The following NKAIN3 variants were observed in gnomAD, a reference collection of about 807,000 sequenced individuals.
The protein encoded by NKAIN3 is sodium/potassium-transporting ATPase subunit beta-1-interacting protein 3.
NKAIN3 carries 25 observed loss-of-function variants against 30.2 expected under a neutral mutation model. The ratio of observed to expected loss-of-function variants is 0.83; its 90% CI spans 0.60 to 1.16. The LOEUF is 1.16. Ranked by LOEUF, NKAIN3 falls within the 50% of genes most tolerant of loss-of-function variation. The pLI, the probability that NKAIN3 is intolerant of heterozygous loss-of-function variation, is 0.00. For missense variants in NKAIN3, 225 were observed against 254.1 expected (o/e 0.89, Z 0.78); for synonymous variants, 91 against 89.6 (o/e 1.02, Z -0.09).
chr8:62,619,922 G>T (rs1391399955), intron 3 of NKAIN3, among the ~76,000 whole-genome samples: 1 of 152,020 alleles, frequency 6.6e-6, no homozygotes, highest in African/African-American at 2.4e-5. Flanking sequence ...ATACTGTAAG[G>T]GAGGAAAAAT....
intron 1 of NKAIN3, among the ~76,000 whole-genome samples, chr8:62,562,554 T>C (rs1809620536): frequency 6.6e-6 from 1 of 152,080 alleles, no homozygotes. Flanking sequence ...TGAACAGAAA[T>C]AGAGTACTCA....
intron 3 of NKAIN3, among the ~76,000 whole-genome samples, chr8:62,647,123 T>G (rs1812483798): frequency 6.6e-6 from 1 of 152,148 alleles, no homozygotes; most frequent in Admixed American, 6.6e-5. Flanking sequence ...CATCTACATA[T>G]GGTAATTTCT....
At chr8:62,699,386 AC>A (rs1814261652) in intron 3 of NKAIN3, among the ~76,000 whole-genome samples, 2 of 152,324 alleles carry the variant, frequency 1.3e-5, no homozygotes. Context: ...CCAATTAAAA[AC>A]GTCTTTAAAT....
At chr8:62,344,388 C>A (rs1815858565) in intron 1 of NKAIN3, among the ~76,000 whole-genome samples, 1 of 151,972 alleles carries the variant, frequency 6.6e-6, no homozygotes, top group African/African-American at 2.4e-5. Context: ...TTATTGTTAT[C>A]ACAACAATAT....
At chr8:62,671,128 A>G (rs964595153) in intron 3 of NKAIN3, among the ~76,000 whole-genome samples, 1 of 152,098 alleles carries the variant, frequency 6.6e-6, no homozygotes, top group African/African-American at 2.4e-5. Flanking sequence ...TCATTCTCAC[A>G]TATTTGAAAC....
intron 3 of NKAIN3, among the ~76,000 whole-genome samples, chr8:62,706,883 G>A (rs1046701664): frequency 2.0e-5 from 3 of 151,898 alleles, no homozygotes; most frequent in African/African-American, 7.3e-5. Flanking sequence ...TCATTCATAT[G>A]CCTTTGCATC....
chr8:62,750,875 G>A (rs939999348), intron 4 of NKAIN3, among the ~76,000 whole-genome samples: 1 of 152,044 alleles, frequency 6.6e-6, no homozygotes, highest in African/African-American at 2.4e-5. Flanking sequence ...TGTGCCCACT[G>A]CCCGTCTCTG....
rs140667181 is a variant in NKAIN3, at chr8:62,631,357, G to A, written c.273+41563G>A. On this transcript the variant is annotated intron_variant, in intron 3 of 6. Coordinates refer to ENST00000623646, the MANE Select transcript of NKAIN3 (RefSeq NM_001304533.3). ...CCCCATCTCTGATATTTCTCACCTT[G>A]GTGAGGGATGCTGTCCTTCACCCAT... is the stretch of plus-strand genomic sequence containing the variant. 2.9e-3 allele frequency among the ~76,000 whole-genome samples: 444 copies of A among 152,056 alleles called. 3 individuals carry two copies. Among genetic ancestry groups the A allele is most frequent in the African/African-American group, 0.01 (430 of 41,470 alleles).
intron 1 of NKAIN3, among the ~76,000 whole-genome samples, chr8:62,288,115 T>C (rs1191790870): frequency 2.0e-5 from 3 of 152,196 alleles, no homozygotes; most frequent in Non-Finnish European, 1.5e-5. Context: ...CTTGTGCTTC[T>C]ACAGTGCCTT....
chr8:62,477,972 G>A (rs1176632947), intron 1 of NKAIN3, among the ~76,000 whole-genome samples: 1 of 152,130 alleles, frequency 6.6e-6, no homozygotes, highest in African/African-American at 2.4e-5. Flanking sequence ...TATGTGAATA[G>A]AGGTATTTAT....
At chr8:62,737,471 C>T (rs1181745656) in intron 3 of NKAIN3, among the ~76,000 whole-genome samples, 1 of 152,186 alleles carries the variant, frequency 6.6e-6, no homozygotes, top group East Asian at 1.9e-4. Context: ...TTACTCTTGA[C>T]TGGTCCACTT....
chr8:62,717,673 A>G (rs1339395246), intron 3 of NKAIN3, among the ~76,000 whole-genome samples: 1 of 152,176 alleles, frequency 6.6e-6, no homozygotes, highest in East Asian at 1.9e-4. Context: ...TTTGTTATGT[A>G]TGTCTGTTTC....
At chr8:62,675,330 T>C (rs1813441302) in intron 3 of NKAIN3, among the ~76,000 whole-genome samples, 1 of 152,232 alleles carries the variant, frequency 6.6e-6, no homozygotes, top group South Asian at 2.1e-4. Context: ...CCCATATTTA[T>C]AAATCACTAT....
chr8:62,472,347 G>A (rs1178962240), intron 1 of NKAIN3, among the ~76,000 whole-genome samples: 1 of 152,144 alleles, frequency 6.6e-6, no homozygotes, highest in Non-Finnish European at 1.5e-5. Context: ...AGTCCATGCA[G>A]GGGGAGTCAG....
At chr8:62,269,502 G>A (rs377472310) in intron 1 of NKAIN3, among the ~76,000 whole-genome samples, 1 of 152,052 alleles carries the variant, frequency 6.6e-6, no homozygotes, top group African/African-American at 2.4e-5. Context: ...ATACAATCCT[G>A]ATTATCTTTG....
intron 4 of NKAIN3, among the ~76,000 whole-genome samples, chr8:62,830,893 G>A (rs926334355): frequency 2.6e-5 from 4 of 152,162 alleles, no homozygotes; most frequent in East Asian, 1.9e-4. Context: ...TGCCATTGGT[G>A]GACCTGCAAG....
chr8:62,754,382 A>ACACT (rs1266923259), intron 4 of NKAIN3, among the ~76,000 whole-genome samples: 2 of 152,080 alleles, frequency 1.3e-5, no homozygotes, highest in East Asian at 3.9e-4. Flanking sequence ...ACACACACAC[A>ACACT]CACATGCACA....
Position 62,269,370 on chromosome 8 carries a change from A to G in NKAIN3, c.54+20243A>G, listed in dbSNP as rs575120048. ...AGCTGAAAATTGCCCAGTTTATGGA[A>G]TTCTTTCTTGATCTTATACTTCCTC... On this transcript the variant is annotated intron_variant, in intron 1 of 6. Coordinates refer to ENST00000623646, the MANE Select transcript of NKAIN3 (RefSeq NM_001304533.3). Among the ~76,000 whole-genome samples, 4 of 152,272 alleles carry G rather than the reference A, an allele frequency of 2.6e-5. No homozygotes were observed. In the South Asian group the frequency reaches 8.3e-4, roughly 32 times the overall value.
intron 1 of NKAIN3, among the ~76,000 whole-genome samples, chr8:62,518,154 A>T (rs1585897686): frequency 6.6e-6 from 1 of 152,146 alleles, no homozygotes. Flanking sequence ...TGAGGTCAGG[A>T]GTTTGAACCA....
Sources: allele counts gnomAD v4.1 joint callset (sites outside exome capture counted in the v4.1 genomes callset), GRCh38; gene constraint gnomAD v4.1.1; transcripts MANE v1.5; gene names NCBI Gene and HGNC (gene_info 2026-07-23, HGNC 2026-07-21).